Variants in MRPL57 observed in about 807,000 individuals in gnomAD.
The protein encoded by MRPL57 is large ribosomal subunit protein mL63.
A neutral mutation model predicts 1.3 loss-of-function variants in MRPL57; 1 was observed. The observed-to-expected ratio is 0.79, with a 90% CI of 0.28 to 3.75. MRPL57 has a LOEUF of 3.75. MRPL57 is among the 30% of genes most tolerant of loss of function. MRPL57 has a pLI of 0.19. For synonymous variants in MRPL57, 79 were observed against 61.7 expected (o/e 1.28, Z -1.31); for missense variants, 170 against 148.9 (o/e 1.14, Z -0.74).
rs141711047 is a variant in MRPL57, at chr13:21,177,203, A to C, written c.287A>C (p.Asn96Thr). ...ATTGCGGACCAGCTCGACCATCTCA[A>C]TGTCACCAAGAAATGGTCCTAATCC... The part of the protein sequence containing the change: ...RFIADQLDHL[N>T]VTKKWS Residue 96 changes from asparagine to threonine, a missense_variant, in exon 2 of 2, where the codon AAT becomes ACT. Coordinates refer to ENST00000309594, the MANE Select transcript of MRPL57 (RefSeq NM_024026.5). The C allele has an allele frequency of 3.1e-6, 5 of 1,613,996 alleles. No homozygotes were observed. The highest frequency in any genetic ancestry group is 4.2e-6 in the Non-Finnish European group (5 of 1,180,036).
In MRPL57 at chr13:21,176,978, A is replaced by G. The variant is rs561593357; in HGVS notation, c.62A>G (p.His21Arg). The G allele has an allele frequency of 6.0e-5, 96 of 1,611,600 alleles. No homozygotes were observed. The highest frequency in any genetic ancestry group is 3.3e-4 in the Middle Eastern group (2 of 6,062). ...CCCGGCCGTCAGTGGATCGGGAAGC[A>G]CCGGCGGCCGCGGTTCGTGTCGTTG... The part of the protein sequence containing the change: ...RIPGRQWIGK[H>R]RRPRFVSLRA... The change falls in exon 2 of 2, where the codon CAC (histidine) becomes CGC (arginine). Residue 21 changes from histidine to arginine, a missense_variant. By Grantham distance (29) the His-to-Arg change is conservative (BLOSUM62 0). Coordinates refer to ENST00000309594, the MANE Select transcript of MRPL57 (RefSeq NM_024026.5).
At chr13:21,176,821 C>T (rs890156477) in intron 1 of MRPL57, 91 bp from the exon 2 acceptor site, 12 of 1,360,014 alleles carry the variant, frequency 8.8e-6, no homozygotes, top group Non-Finnish European at 1.0e-5. Flanking sequence ...CGGGAACTCC[C>T]GTAGGCGTGA....
At position 21,177,105 on chromosome 13, in the gene MRPL57, C is replaced by T. The variant is rs771961974; in HGVS notation, c.189C>T (p.Ala63=). 1.9e-6 allele frequency: 3 copies of T among 1,613,914 alleles called. No individual in the cohort carries two copies. The highest frequency in any genetic ancestry group is 2.2e-5 in the East Asian group (1 of 44,880). Residue 63 remains alanine (A), a synonymous_variant, in exon 2 of 2, where the codon GCC becomes GCT. Transcript: ENST00000309594. ...CCCGGGAGCAGGAGCGCGGCCACGCCGCGGTGCGCAGGAGGGAGGCCTTCG... is the reference window on the plus strand; with the variant it reads ...CCCGGGAGCAGGAGCGCGGCCACGCTGCGGTGCGCAGGAGGGAGGCCTTCG... The part of the protein sequence containing the change: ...YMTREQERGH[A]AVRRREAFEA...
chr13:21,178,015 G>A lies in MRPL57; in HGVS notation c.*790G>A, dbSNP rs598000. ...AACGAAGTAAAAGATATTTATCAGA[G>A]CTGTTACAGGAAGGTGTATTTTTTA... On this transcript the variant is annotated 3_prime_UTR_variant, in exon 2 of 2. Transcript: ENST00000309594. The A allele has an allele frequency of 0.99, 165,928 of 167,246 alleles. 82,325 individuals carry two copies. Among genetic ancestry groups the A allele is most frequent in the East Asian group, 1 (5,198 of 5,198 alleles). 10.4% of individuals were successfully genotyped at this position (167,246 alleles called of 1,614,324 possible).
Position 21,177,275 on chromosome 13 carries a change from T to C in MRPL57, c.*50T>C, listed in dbSNP as rs763811528. ...TATGGATCACGGAGCTGACCATCTT[T>C]ACCTGGTCCTGGAACTGAAAAACTG... On this transcript the variant is annotated 3_prime_UTR_variant, in exon 2 of 2. Transcript: ENST00000309594. The C allele has an allele frequency of 4.6e-5, 73 of 1,577,426 alleles. No individual in the cohort carries two copies. Among genetic ancestry groups the C allele is most frequent in the Non-Finnish European group, 6.1e-5 (70 of 1,153,834 alleles).
At position 21,177,830 on chromosome 13, in the gene MRPL57, A is replaced by G. The variant is rs536936817; in HGVS notation, c.*605A>G. ...CTAATACAAAAAAAATTAGCTGGGT[A>G]TGTTGGTGCAGGCTTGCAATCCCAG... On this transcript the variant is annotated 3_prime_UTR_variant, in exon 2 of 2. Transcript: ENST00000309594. The G allele has an allele frequency of 2.1e-4, 35 of 164,900 alleles. No homozygotes were observed. The highest frequency in any genetic ancestry group is 4.7e-4 in the Non-Finnish European group (32 of 68,336). 10.2% of individuals were successfully genotyped at this position (164,900 alleles called of 1,614,324 possible).
rs1283731814 is a variant in MRPL57, at chr13:21,178,340, G to C, written c.*1115G>C. 6.4e-6 allele frequency: 1 copy of C among 156,264 alleles called. No individual in the cohort carries two copies. The highest frequency in any genetic ancestry group is 1.5e-5 in the Non-Finnish European group (1 of 68,164). The allele number at this position is 156,264 out of a possible 1,614,324, so 9.7% of individuals were successfully genotyped here. On this transcript the variant is annotated 3_prime_UTR_variant, in exon 2 of 2. Coordinates refer to ENST00000309594, the MANE Select transcript of MRPL57 (RefSeq NM_024026.5). ...TAATCCCAGCTACTCAGGAGGCTGA[G>C]GCAGGAGAATCGCTTGCACCCAGGA... is the stretch of plus-strand genomic sequence containing the variant.
At position 21,176,959 on chromosome 13, in the gene MRPL57, C is replaced by A. The variant is rs1208531906; in HGVS notation, c.43C>A (p.Arg15Ser). The stretch of plus-strand genomic sequence containing the variant: ...CCTCTGGCGCGGCCGCATTCCCGGC[C>A]GTCAGTGGATCGGGAAGCACCGGCG... ...ALLWRGRIPGRQWIGKHRRPR... is the reference protein window; with the variant it reads ...ALLWRGRIPGSQWIGKHRRPR... Residue 15 changes from arginine (R) to serine (S), a missense_variant, in exon 2 of 2, where the codon CGT (arginine) becomes AGT (serine). Arg to Ser is a moderately radical substitution (Grantham distance 110, BLOSUM62 -1). Transcript: ENST00000309594. The A allele has an allele frequency of 1.9e-6, 3 of 1,611,740 alleles. No homozygotes were observed. Among genetic ancestry groups the A allele is most frequent in the African/African-American group, 2.7e-5 (2 of 74,938 alleles).
At position 21,177,192 on chromosome 13, in the gene MRPL57, C is replaced by A; in HGVS notation, c.276C>A (p.Leu92=). ...FPPHRFIADQ[L]DHLNVTKKWS ...CGCATAGATTCATTGCGGACCAGCT[C>A]GACCATCTCAATGTCACCAAGAAAT... Residue 92 remains leucine, a synonymous_variant, in exon 2 of 2, where the codon CTC becomes CTA. Coordinates refer to ENST00000309594, the MANE Select transcript of MRPL57 (RefSeq NM_024026.5). 1.9e-6 allele frequency: 3 copies of A among 1,614,116 alleles called. No homozygotes were observed. Among genetic ancestry groups the A allele is most frequent in the Non-Finnish European group, 2.5e-6 (3 of 1,180,048 alleles).
chr13:21,179,074 AT>A lies in MRPL57; in HGVS notation c.*1850del, dbSNP rs1315350935. On this transcript the variant is annotated 3_prime_UTR_variant, in exon 2 of 2. Transcript: ENST00000309594. ...TGTTCGCTTTCAGAATATAATAAAA[AT>A]AGTCAAAAACTTTGTGTTTCTAAAT... is the stretch of plus-strand genomic sequence containing the variant. 1 of 167,152 alleles carries A rather than the reference AT, an allele frequency of 6.0e-6. No homozygotes were observed. Among genetic ancestry groups the A allele is most frequent in the African/African-American group, 2.4e-5 (1 of 41,466 alleles). 10.4% of individuals were successfully genotyped at this position (167,152 alleles called of 1,614,324 possible).
In MRPL57 at chr13:21,177,644, C is replaced by T. The variant is rs138373378; in HGVS notation, c.*419C>T. 0.013 allele frequency: 2,517 copies of T among 198,090 alleles called. 41 individuals carry two copies. Among genetic ancestry groups the T allele is most frequent in the Non-Finnish European group, 0.01 (905 of 89,012 alleles). The allele number at this position is 198,090 out of a possible 1,614,324, so 12.3% of individuals were successfully genotyped here. The stretch of plus-strand genomic sequence containing the variant: ...TAAACATACTCCTAAAAACATTTTC[C>T]GGGATTTTACTACTAAAATTGGACA... On this transcript the variant is annotated 3_prime_UTR_variant, in exon 2 of 2. Transcript: ENST00000309594.
rs1871655292 is a variant in MRPL57, at chr13:21,177,616, A to G, written c.*391A>G. ...AAATGAAAGAAAATATGAGCTTTTCAGTTAAACATACTCCTAAAAACATTT... is the reference window on the plus strand; with the variant it reads ...AAATGAAAGAAAATATGAGCTTTTCGGTTAAACATACTCCTAAAAACATTT... On this transcript the variant is annotated 3_prime_UTR_variant, in exon 2 of 2. Coordinates refer to ENST00000309594, the MANE Select transcript of MRPL57 (RefSeq NM_024026.5). 4.5e-6 allele frequency: 1 copy of G among 223,890 alleles called. No individual in the cohort carries two copies. Among genetic ancestry groups the G allele is most frequent in the African/African-American group, 2.4e-5 (1 of 42,092 alleles). 13.9% of individuals were successfully genotyped at this position (223,890 alleles called of 1,614,324 possible). A position where few individuals can be genotyped will look rare whatever the true frequency, so the allele number is the denominator to read the frequency against.
chr13:21,176,669 G>T lies in MRPL57; in HGVS notation c.-54G>T, dbSNP rs567004623. 26 of 662,160 alleles carry T rather than the reference G, an allele frequency of 3.9e-5. No individual in the cohort carries two copies. The highest frequency in any genetic ancestry group is 6.2e-5 in the Non-Finnish European group (25 of 404,284). The allele number at this position is 662,160 out of a possible 1,614,324, so 41.0% of individuals were successfully genotyped here. A position where few individuals can be genotyped will look rare whatever the true frequency, so the allele number is the denominator to read the frequency against. ...CGCGAGACGGGTGCGCTTACGCCACGGCGTCTGCTGGCGGCCGCGGAGACG... is the reference window on the plus strand; with the variant it reads ...CGCGAGACGGGTGCGCTTACGCCACTGCGTCTGCTGGCGGCCGCGGAGACG... On this transcript the variant is annotated 5_prime_UTR_variant, in exon 1 of 2. Transcript: ENST00000309594.
In MRPL57 at chr13:21,177,321, C is replaced by G; in HGVS notation, c.*96C>G. The G allele has an allele frequency of 2.3e-6, 3 of 1,293,648 alleles. No individual in the cohort carries two copies. Among genetic ancestry groups the G allele is most frequent in the Non-Finnish European group, 3.2e-6 (3 of 923,826 alleles). 80.1% of individuals were successfully genotyped at this position (1,293,648 alleles called of 1,614,324 possible). A position where few individuals can be genotyped will look rare whatever the true frequency, so the allele number is the denominator to read the frequency against. ...AACTGTAGCTTGTGTGAAAATGAGC[C>G]TTTGGACCAGTCTTTATTAAAACAA... is the stretch of plus-strand genomic sequence containing the variant. On this transcript the variant is annotated 3_prime_UTR_variant, in exon 2 of 2. Coordinates refer to ENST00000309594, the MANE Select transcript of MRPL57 (RefSeq NM_024026.5).
At position 21,177,389 on chromosome 13, in the gene MRPL57, A is replaced by AC. The variant is rs11436868; in HGVS notation, c.*169dup. 630,974 of 667,298 alleles carry AC rather than the reference A, an allele frequency of 0.95. 299,193 individuals carry two copies. Among genetic ancestry groups the AC allele is most frequent in the East Asian group, 1 (36,163 of 36,166 alleles). 41.3% of individuals were successfully genotyped at this position (667,298 alleles called of 1,614,324 possible). On this transcript the variant is annotated 3_prime_UTR_variant, in exon 2 of 2. Transcript: ENST00000309594. ...GCATATCGAATATCTAGAGCTCTAA[A>AC]CCCCCAATACTTAAAAGTCTAATTG...
At position 21,177,340 on chromosome 13, in the gene MRPL57, A is replaced by AAAAC; in HGVS notation, c.*125_*128dup. The AAAAC allele has an allele frequency of 9.2e-7, 1 of 1,088,880 alleles. No individual in the cohort carries two copies. The highest frequency in any genetic ancestry group is 1.3e-6 in the Non-Finnish European group (1 of 747,642). The allele number at this position is 1,088,880 out of a possible 1,614,324, so 67.5% of individuals were successfully genotyped here. ...ATGAGCCTTTGGACCAGTCTTTATT[A>AAAAC]AAACAAACAAACATGAGTAGTCTGC... On this transcript the variant is annotated 3_prime_UTR_variant, in exon 2 of 2. Coordinates refer to ENST00000309594, the MANE Select transcript of MRPL57 (RefSeq NM_024026.5).
In MRPL57 at chr13:21,177,216, A is replaced by G. The variant is rs1871630552; in HGVS notation, c.300A>G (p.Lys100=). The G allele has an allele frequency of 1.2e-6, 2 of 1,613,674 alleles. No homozygotes were observed. The highest frequency in any genetic ancestry group is 1.1e-5 in the South Asian group (1 of 91,066). Residue 100 remains lysine (K), a synonymous_variant, in exon 2 of 2, where the codon AAA becomes AAG. Transcript: ENST00000309594. ...TCGACCATCTCAATGTCACCAAGAA[A>G]TGGTCCTAATCCTGAGTCGTCACCC... ...DQLDHLNVTK[K]WS is the part of the protein sequence containing the mutation.
At position 21,177,378 on chromosome 13, in the gene MRPL57, T is replaced by G; in HGVS notation, c.*153T>G. 6 of 697,292 alleles carry G rather than the reference T, an allele frequency of 8.6e-6. No individual in the cohort carries two copies. Among genetic ancestry groups the G allele is most frequent in the Non-Finnish European group, 9.0e-6 (4 of 445,336 alleles). 43.2% of individuals were successfully genotyped at this position (697,292 alleles called of 1,614,324 possible). A position where few individuals can be genotyped will look rare whatever the true frequency, so the allele number is the denominator to read the frequency against. On this transcript the variant is annotated 3_prime_UTR_variant, in exon 2 of 2. Coordinates refer to ENST00000309594, the MANE Select transcript of MRPL57 (RefSeq NM_024026.5). ...ATGAGTAGTCTGCATATCGAATATCTAGAGCTCTAAACCCCCAATACTTAA... is the reference window on the plus strand; with the variant it reads ...ATGAGTAGTCTGCATATCGAATATCGAGAGCTCTAAACCCCCAATACTTAA...
Position 21,177,287 on chromosome 13 carries a change from G to GTCCC in MRPL57, c.*62_*63insTCCC, listed in dbSNP as rs2137393930. 2 of 1,547,680 alleles carry GTCCC rather than the reference G, an allele frequency of 1.3e-6. No individual in the cohort carries two copies. The highest frequency in any genetic ancestry group is 2.3e-5 in the South Asian group (2 of 86,610). On this transcript the variant is annotated 3_prime_UTR_variant, in exon 2 of 2. Coordinates refer to ENST00000309594, the MANE Select transcript of MRPL57 (RefSeq NM_024026.5). ...AGCTGACCATCTTTACCTGGTCCTG[G>GTCCC]AACTGAAAAACTGTAGCTTGTGTGA... is the stretch of plus-strand genomic sequence containing the variant.
Sources: allele counts gnomAD v4.1 joint callset, GRCh38; gene constraint gnomAD v4.1.1; transcripts MANE v1.5; gene names NCBI Gene and HGNC (gene_info 2026-07-23, HGNC 2026-07-21).